Variants in KDM4C observed in about 807,000 individuals in gnomAD.
KDM4C encodes lysine-specific demethylase 4C.
KDM4C carries 81 observed loss-of-function variants against 129.3 expected under a neutral mutation model. That is an observed-to-expected ratio of 0.63 (90% CI 0.52 to 0.75). KDM4C has a LOEUF of 0.75. Among genes scored for constraint, KDM4C ranks in the 30% least tolerant of loss-of-function variants. The pLI is 0.00. For synonymous variants in KDM4C, 573 were observed against 456.1 expected, an observed-to-expected ratio of 1.26 and a Z score of -3.26; for missense variants, 1,457 against 1,304.0, an observed-to-expected ratio of 1.12 and a Z score of -1.81.
chr9:6,935,375 C>A (rs62533792), intron 8 of KDM4C, among the ~76,000 whole-genome samples: 1 of 151,674 alleles, frequency 6.6e-6, no homozygotes, highest in Non-Finnish European at 1.5e-5. Context: ...ATCCTGTTCA[C>A]ATATTTTTTA....
At chr9:6,921,989 C>G (rs972253124) in intron 8 of KDM4C, among the ~76,000 whole-genome samples, 1 of 152,152 alleles carries the variant, frequency 6.6e-6, no homozygotes, top group Non-Finnish European at 1.5e-5. Context: ...TATCATTTCT[C>G]AATTTGAATT....
rs72699614 is a variant in KDM4C, at chr9:6,758,164, C to T, written c.-57C>T. On this transcript the variant is annotated 5_prime_UTR_variant, in exon 1 of 22. Transcript: ENST00000381309. The surrounding 1 kb of genome is among the most constrained non-coding windows in gnomAD (Gnocchi z 4.6). ...CCGGAGGCCACTGTCTTCTCTTCCT[C>T]CTCCACCGAGTCGTGCTCTCGCCCC... The T allele has an allele frequency of 0.11, 113,059 of 985,828 alleles. 6,744 individuals carry two copies. Among genetic ancestry groups the T allele is most frequent in the Non-Finnish European group, 0.12 (100,900 of 830,282 alleles). 61.1% of individuals were successfully genotyped at this position (985,828 alleles called of 1,614,324 possible).
At chr9:7,061,237 C>G (rs941321016) in intron 17 of KDM4C, among the ~76,000 whole-genome samples, 2 of 152,164 alleles carry the variant, frequency 1.3e-5, no homozygotes, top group African/African-American at 4.8e-5. Context: ...GTTATTATTG[C>G]TTTGTAAACA....
At chr9:6,828,080 C>G (rs762568692) in intron 4 of KDM4C, among the ~76,000 whole-genome samples, 6 of 152,056 alleles carry the variant, frequency 3.9e-5, no homozygotes, top group Non-Finnish European at 8.8e-5. Context: ...GGTTGTTGCC[C>G]CTGAGAATGG....
chr9:6,828,881 A>G (rs1834336723), intron 4 of KDM4C, among the ~76,000 whole-genome samples: 1 of 152,188 alleles, frequency 6.6e-6, no homozygotes, highest in African/African-American at 2.4e-5. Flanking sequence ...CAAGAAAAAA[A>G]AAATTGGGTT....
intron 8 of KDM4C, among the ~76,000 whole-genome samples, chr9:6,934,623 C>T (rs952163819): frequency 6.6e-6 from 1 of 151,904 alleles, no homozygotes; most frequent in Non-Finnish European, 1.5e-5. Flanking sequence ...GCCACCATGC[C>T]TAGCTAATTT....
intron 1 of KDM4C, among the ~76,000 whole-genome samples, chr9:6,729,780 G>C (rs921871090): frequency 1.5e-5 from 2 of 133,654 alleles, no homozygotes; most frequent in Non-Finnish European, 3.1e-5. Flanking sequence ...GGGTCACTTT[G>C]GGCCTAAATA....
Position 7,174,786 on chromosome 9 carries a change from G to A in KDM4C, c.*57G>A. The stretch of plus-strand genomic sequence containing the variant: ...CTTGGGTTGGAAGAGAGAAGATGAA[G>A]GGACATCCTTGGGGCTGTGCCGTGA... On this transcript the variant is annotated 3_prime_UTR_variant, in exon 22 of 22. Transcript: ENST00000381309. The A allele has an allele frequency of 1.4e-6, 2 of 1,479,766 alleles. No homozygotes were observed. The highest frequency in any genetic ancestry group is 1.9e-6 in the Non-Finnish European group (2 of 1,065,592). 91.7% of individuals were successfully genotyped at this position (1,479,766 alleles called of 1,614,324 possible).
chr9:6,985,270 A>G (rs1817492376), intron 10 of KDM4C, among the ~76,000 whole-genome samples: 1 of 152,232 alleles, frequency 6.6e-6, no homozygotes, highest in Non-Finnish European at 1.5e-5. Flanking sequence ...TCTTAGTATT[A>G]TTCCACCTAT....
chr9:6,839,063 T>C (rs1836409036), intron 4 of KDM4C, among the ~76,000 whole-genome samples: 1 of 152,228 alleles, frequency 6.6e-6, no homozygotes, highest in Non-Finnish European at 1.5e-5. Context: ...TTGTTCCAGC[T>C]GTATGAATTT....
chr9:7,008,251 C>G (rs1253958992), intron 12 of KDM4C, among the ~76,000 whole-genome samples: 2 of 152,140 alleles, frequency 1.3e-5, no homozygotes, highest in South Asian at 2.1e-4. Flanking sequence ...TCCCACCGCC[C>G]TGGATTCCTG....
At chr9:7,097,344 G>C (rs183454795) in intron 17 of KDM4C, among the ~76,000 whole-genome samples, 1 of 152,180 alleles carries the variant, frequency 6.6e-6, no homozygotes, top group Non-Finnish European at 1.5e-5. Context: ...AAAACTTTGA[G>C]AGAAACCCTG....
chr9:7,100,947 T>C (rs563421198), intron 17 of KDM4C, among the ~76,000 whole-genome samples: 5 of 152,310 alleles, frequency 3.3e-5, no homozygotes, highest in Admixed American at 6.5e-5. Flanking sequence ...TAGTTCCACC[T>C]GTTTCCCATG....
intron 15 of KDM4C, among the ~76,000 whole-genome samples, chr9:7,033,524 A>G (rs1027412689): frequency 2.0e-5 from 3 of 152,222 alleles, no homozygotes; most frequent in Admixed American, 6.5e-5. Context: ...AGAAGAGCAC[A>G]TAAGAGGATA....
chr9:6,874,278 T>G (rs186446689), intron 5 of KDM4C, among the ~76,000 whole-genome samples: 24 of 152,308 alleles, frequency 1.6e-4, no homozygotes, highest in Admixed American at 1.5e-3. Context: ...CAAAGTGCAA[T>G]AAAATGAGGT....
In KDM4C at chr9:6,992,416, G is replaced by A. The variant is rs1413653620; in HGVS notation, c.1786+1892G>A. ...ATATTTTGTAGAAACGATGATTGTA[G>A]CTTTTGCAACAGTCTTTCTTTCCTT... is the stretch of plus-strand genomic sequence containing the variant. On this transcript the variant is annotated intron_variant, in intron 12 of 21. Transcript: ENST00000381309. 2.6e-5 allele frequency among the ~76,000 whole-genome samples: 4 copies of A among 152,204 alleles called. No individual in the cohort carries two copies. In the South Asian group the frequency reaches 6.2e-4, roughly 24 times the overall value.
intron 17 of KDM4C, among the ~76,000 whole-genome samples, chr9:7,077,594 A>G (rs1344549806): frequency 6.6e-6 from 1 of 152,176 alleles, no homozygotes; most frequent in Non-Finnish European, 1.5e-5. Context: ...AAGTGACAGA[A>G]CTGCTCAACC....
rs574635481 is a variant in KDM4C, at chr9:7,172,326, G to T, written c.2995-2227G>T. Among the ~76,000 whole-genome samples the T allele has an allele frequency of 1.0e-3, 154 of 152,186 alleles. 3 individuals carry two copies. In the South Asian group the frequency reaches 0.03, roughly 30 times the overall value. On this transcript the variant is annotated intron_variant, in intron 21 of 21. Coordinates refer to ENST00000381309, the MANE Select transcript of KDM4C (RefSeq NM_015061.6). ...TTCCACTCACTTCAGAAGCAGCCCC[G>T]TTACCTTTTATTGTCTCACAGAATA... is the stretch of plus-strand genomic sequence containing the variant.
At chr9:7,048,149 A>G (rs900597070) in intron 16 of KDM4C, among the ~76,000 whole-genome samples, 2 of 152,056 alleles carry the variant, frequency 1.3e-5, no homozygotes, top group African/African-American at 4.8e-5. Context: ...ATACTGTGAG[A>G]TGGTTTAGGT....
Sources: gnomAD v4.1 joint callset for allele counts (sites outside exome capture counted in the v4.1 genomes callset) on GRCh38, gnomAD v4.1.1 for gene constraint, Gnocchi (gnomAD v3.1) non-coding constraint, MANE v1.5 for transcripts, NCBI Gene and HGNC (gene_info 2026-07-23, HGNC 2026-07-21) for gene names.